PRRX1: variants seen among roughly 807,000 people sequenced by gnomAD.
The protein encoded by PRRX1 is paired related homeobox 1.
Under a neutral mutation model 24.0 loss-of-function variants are expected in PRRX1, and 8 were observed. The ratio of observed to expected loss-of-function variants is 0.33; its 90% CI spans 0.20 to 0.60. The LOEUF (loss-of-function observed/expected upper bound fraction) is 0.60, where lower values mean the gene tolerates loss of function less well. Ranked by LOEUF, PRRX1 falls within the 20% of genes least tolerant of loss-of-function variation. The pLI is 0.82. For missense variants in PRRX1, 281 were observed against 322.4 expected (o/e 0.87, Z 0.98); for synonymous variants, 160 against 131.7 (o/e 1.22, Z -1.47).
chr1:170,720,264 T>G (rs1229640210), intron 2 of PRRX1, among the ~76,000 whole-genome samples: 2 of 151,888 alleles, frequency 1.3e-5, no homozygotes, highest in Non-Finnish European at 2.9e-5. Flanking sequence ...GGTGACAGAG[T>G]GAGACCCTGA....
intron 1 of PRRX1, 138 bp downstream of exon 1, chr1:170,664,597 A>G: frequency 7.4e-7 from 1 of 1,343,222 alleles, no homozygotes; most frequent in Admixed American, 2.7e-5. Flanking sequence ...CTTCAAAGGA[A>G]GGGCCAGTCA....
intron 1 of PRRX1, among the ~76,000 whole-genome samples, chr1:170,682,153 G>T (rs1400356191): frequency 1.3e-5 from 2 of 152,104 alleles, no homozygotes; most frequent in African/African-American, 4.8e-5. Flanking sequence ...GAGGAAGAAA[G>T]GGATGGCCCT....
intron 1 of PRRX1, among the ~76,000 whole-genome samples, chr1:170,717,569 G>C (rs1021330958): frequency 6.6e-6 from 1 of 151,914 alleles, no homozygotes; most frequent in South Asian, 2.1e-4. Flanking sequence ...GTGTCTAATT[G>C]GTCTCAGTTA....
At position 170,736,412 on chromosome 1, in the gene PRRX1, C is replaced by G. The variant is rs946285729; in HGVS notation, c.*226C>G. 7 of 596,026 alleles carry G rather than the reference C, an allele frequency of 1.2e-5. No homozygotes were observed. Among genetic ancestry groups the G allele is most frequent in the Admixed American group, 3.0e-5 (1 of 33,072 alleles). 36.9% of individuals were successfully genotyped at this position (596,026 alleles called of 1,614,324 possible). On this transcript the variant is annotated 3_prime_UTR_variant, in exon 4 of 4. Transcript: ENST00000239461. The stretch of plus-strand genomic sequence containing the variant: ...TCTGGGATACCACCACCACTTGTTT[C>G]TGTGTGTGTTTATTTTGTTTTTCTT...
intron 1 of PRRX1, among the ~76,000 whole-genome samples, chr1:170,684,479 G>A (rs1427420318): frequency 6.6e-6 from 1 of 152,190 alleles, no homozygotes; most frequent in Non-Finnish European, 1.5e-5. Context: ...TCGGCTGGGC[G>A]GGATGGCTCA....
chr1:170,690,021 C>A (rs1346974050), intron 1 of PRRX1, among the ~76,000 whole-genome samples: 1 of 151,892 alleles, frequency 6.6e-6, no homozygotes, highest in East Asian at 1.9e-4. Flanking sequence ...TCAACAGATT[C>A]CATACAATAT....
intron 1 of PRRX1, among the ~76,000 whole-genome samples, chr1:170,697,436 A>G (rs922898934): frequency 4.6e-5 from 7 of 152,102 alleles, no homozygotes; most frequent in Non-Finnish European, 7.4e-5. Context: ...ATAATAATAC[A>G]TGTAAGACAA....
upstream of PRRX1, chr1:170,663,823 T>G (rs1224046765): frequency 5.9e-6 from 1 of 170,088 alleles, no homozygotes; most frequent in Admixed American, 6.0e-5. Flanking sequence ...CTCTCCCCCT[T>G]GTTATTATTT....
intron 1 of PRRX1, among the ~76,000 whole-genome samples, chr1:170,670,723 C>T (rs111460934): frequency 0.013 from 1,997 of 151,996 alleles, 56 homozygotes; most frequent in African/African-American, 0.045. Flanking sequence ...GATTTTAGGG[C>T]CATGTTAGCG....
Position 170,695,299 on chromosome 1 carries a change from T to C in PRRX1, c.242-24427T>C, listed in dbSNP as rs75423408. Among the ~76,000 whole-genome samples, 565 of 152,276 alleles carry C rather than the reference T, an allele frequency of 3.7e-3. 26 individuals carry two copies. In the East Asian group the frequency reaches 0.1, roughly 28 times the overall value. On this transcript the variant is annotated intron_variant, in intron 1 of 3. Coordinates refer to ENST00000239461, the MANE Select transcript of PRRX1 (RefSeq NM_022716.4). Reference sequence around the variant, plus strand: ...TGGAAACTGAGCCCCTACATAATGCTTATTATGTCCCACCAATGGCTTTCC... The same window carrying C: ...TGGAAACTGAGCCCCTACATAATGCCTATTATGTCCCACCAATGGCTTTCC...
intron 2 of PRRX1, among the ~76,000 whole-genome samples, chr1:170,724,978 C>A (rs1366088056): frequency 3.3e-5 from 5 of 152,080 alleles, no homozygotes; most frequent in Non-Finnish European, 7.4e-5. Context: ...TTTAGTTCTC[C>A]TTGAAGAGGT....
intron 3 of PRRX1, chr1:170,730,210 C>A (rs866904263): frequency 1.5e-5 from 20 of 1,333,624 alleles, no homozygotes; most frequent in Admixed American, 3.4e-5. Context: ...TGATCGTGGT[C>A]ATGGTGCTGC....
At chr1:170,676,266 T>C (rs1653315828) in intron 1 of PRRX1, among the ~76,000 whole-genome samples, 1 of 152,174 alleles carries the variant, frequency 6.6e-6, no homozygotes, top group Non-Finnish European at 1.5e-5. Flanking sequence ...GGAAGAAATT[T>C]TTCCTGGTAT....
At chr1:170,676,430 A>G (rs1653323728) in intron 1 of PRRX1, among the ~76,000 whole-genome samples, 1 of 151,572 alleles carries the variant, frequency 6.6e-6, no homozygotes, top group Admixed American at 6.6e-5. Flanking sequence ...AATCAGAGCT[A>G]CCTTGAAGGC....
intron 1 of PRRX1, among the ~76,000 whole-genome samples, chr1:170,717,763 G>A (rs1654954181): frequency 2.0e-5 from 3 of 152,184 alleles, no homozygotes; most frequent in Non-Finnish European, 2.9e-5. Flanking sequence ...ATATTAAATA[G>A]GAAGGAGAAT....
intron 1 of PRRX1, among the ~76,000 whole-genome samples, chr1:170,708,337 A>G (rs1173654769): frequency 6.6e-6 from 1 of 151,816 alleles, no homozygotes; most frequent in Non-Finnish European, 1.5e-5. Flanking sequence ...TTTTTTTCTC[A>G]TATGACCTTA....
intron 1 of PRRX1, among the ~76,000 whole-genome samples, chr1:170,716,445 G>T (rs1157079970): frequency 6.6e-6 from 1 of 152,100 alleles, no homozygotes; most frequent in African/African-American, 2.4e-5. Context: ...TTAGCTGGGC[G>T]TGGTGGCAGG....
chr1:170,695,850 C>T (rs1311165699), intron 1 of PRRX1, among the ~76,000 whole-genome samples: 2 of 151,810 alleles, frequency 1.3e-5, no homozygotes, highest in African/African-American at 4.8e-5. Flanking sequence ...TTTTTCCCCC[C>T]CTCTCTATTC....
chr1:170,726,384 G>A lies in PRRX1; in HGVS notation c.582G>A (p.Gly194=). 1 of 1,613,942 alleles carries A rather than the reference G, an allele frequency of 6.2e-7. No individual in the cohort carries two copies. The highest frequency in any genetic ancestry group is 8.5e-7 in the Non-Finnish European group (1 of 1,179,890). The stretch of plus-strand genomic sequence containing the variant: ...GACCCACCGATTATCTCTCCTGGGG[G>A]ACAGCGTCTCCGTACAGGTGAATGA... ...APRPTDYLSW[G]TASPYSAMAT... Residue 194 remains glycine, a synonymous_variant, in exon 3 of 4, where the codon GGG becomes GGA. Transcript: ENST00000239461.
Sources: allele counts gnomAD v4.1 joint callset (sites outside exome capture counted in the v4.1 genomes callset), GRCh38; gene constraint gnomAD v4.1.1; transcripts MANE v1.5; gene names NCBI Gene and HGNC (gene_info 2026-07-23, HGNC 2026-07-21).